The following SLC5A3 variants were observed in gnomAD, a reference collection of about 807,000 sequenced individuals.
SLC5A3 encodes solute carrier family 5 member 3, also known as sodium/myo-inositol cotransporter.
In SLC5A3, 10 loss-of-function variants were observed where a neutral mutation model predicts 43.2. The observed-to-expected ratio is 0.23, with a 90% CI of 0.14 to 0.39. The LOEUF is 0.39. Among genes scored for constraint, SLC5A3 ranks in the 10% least tolerant of loss-of-function variants. The pLI, the probability that SLC5A3 is intolerant of heterozygous loss-of-function variation, is 1.00. For missense variants in SLC5A3, 608 were observed against 893.4 expected (o/e 0.68, Z 4.07); for synonymous variants, 349 against 322.0 (o/e 1.08, Z -0.90).
chr21:34,086,747 A>T (rs1978406215), intron 1 of SLC5A3, among the ~76,000 whole-genome samples: 1 of 152,192 alleles, frequency 6.6e-6, no homozygotes, highest in Admixed American at 6.5e-5. Context: ...AGTGGTTGGC[A>T]CATGGTGTTT....
Position 34,099,285 on chromosome 21 carries a change from T to G in SLC5A3, c.*1930T>G. ...TTGTTTGGAAGTTGAGGCTGCGACA[T>G]GTCCAAGGTTATGAAGTCTCTTTTG... On this transcript the variant is annotated 3_prime_UTR_variant, in exon 2 of 2. Coordinates refer to ENST00000381151, the MANE Select transcript of SLC5A3 (RefSeq NM_006933.7). The G allele has an allele frequency of 1.0e-6, 1 of 1,000,256 alleles. No homozygotes were observed. Among genetic ancestry groups the G allele is most frequent in the Non-Finnish European group, 1.2e-6 (1 of 829,978 alleles). The allele number at this position is 1,000,256 out of a possible 1,614,324, so 62.0% of individuals were successfully genotyped here.
chr21:34,093,364 A>C (rs1978805078), intron 1 of SLC5A3, among the ~76,000 whole-genome samples: 1 of 152,096 alleles, frequency 6.6e-6, no homozygotes, highest in Non-Finnish European at 1.5e-5. Flanking sequence ...TTAAAAAGGC[A>C]CGCAGATGGG....
At position 34,087,407 on chromosome 21, in the gene SLC5A3, G is replaced by T. The variant is rs189936033; in HGVS notation, c.-336-7456G>T. 1.4e-4 allele frequency among the ~76,000 whole-genome samples: 21 copies of T among 152,318 alleles called. No homozygotes were observed. In the East Asian group the frequency reaches 3.3e-3, roughly 24 times the overall value. ...ATTTTTTTATTTAACAAACATTTGAGCACCTGTAATATGTAAGATGGTGTT... is the reference window on the plus strand; with the variant it reads ...ATTTTTTTATTTAACAAACATTTGATCACCTGTAATATGTAAGATGGTGTT... On this transcript the variant is annotated intron_variant, in intron 1 of 1. Transcript: ENST00000381151.
At position 34,099,756 on chromosome 21, in the gene SLC5A3, A is replaced by T. The variant is rs1168010614; in HGVS notation, c.*2401A>T. 3 of 959,526 alleles carry T rather than the reference A, an allele frequency of 3.1e-6. No individual in the cohort carries two copies. Among genetic ancestry groups the T allele is most frequent in the Admixed American group, 1.2e-4 (2 of 16,210 alleles). 59.4% of individuals were successfully genotyped at this position (959,526 alleles called of 1,614,324 possible). On this transcript the variant is annotated 3_prime_UTR_variant, in exon 2 of 2. Coordinates refer to ENST00000381151, the MANE Select transcript of SLC5A3 (RefSeq NM_006933.7). ...AGCAGTAGGTCAAGTTTAGAGTACT[A>T]AAGTCTGTAAATAAGGAATGACTAT... is the stretch of plus-strand genomic sequence containing the variant.
At chr21:34,074,146 G>A (rs868323004) in intron 1 of SLC5A3, among the ~76,000 whole-genome samples, 100 of 148,918 alleles carry the variant, frequency 6.7e-4, no homozygotes, top group Middle Eastern at 3.2e-3. Context: ...TCGTGAAGCT[G>A]CCTCGTCGCC....
intron 1 of SLC5A3, among the ~76,000 whole-genome samples, chr21:34,088,165 A>G (rs1041709525): frequency 6.6e-6 from 1 of 152,216 alleles, no homozygotes; most frequent in Non-Finnish European, 1.5e-5. Context: ...TTAATGTTTT[A>G]AAGTTGTGGG....
intron 1 of SLC5A3, among the ~76,000 whole-genome samples, chr21:34,082,847 T>C (rs1602908347): frequency 6.6e-6 from 1 of 152,342 alleles, no homozygotes; most frequent in South Asian, 2.1e-4. Context: ...AATTGACTTG[T>C]TTTGCTTCCC....
In SLC5A3 at chr21:34,105,658, AAATG is replaced by A; in HGVS notation, c.*8306_*8309del. 1.0e-6 allele frequency: 1 copy of A among 998,866 alleles called. No individual in the cohort carries two copies. The highest frequency in any genetic ancestry group is 1.2e-6 in the Non-Finnish European group (1 of 828,696). The allele number at this position is 998,866 out of a possible 1,614,324, so 61.9% of individuals were successfully genotyped here. ...GGCATTGTAGGCCAAATGTGATTAT[AAATG>A]AAGTTGATGAACATTAATTTTGTTA... is the stretch of plus-strand genomic sequence containing the variant. On this transcript the variant is annotated 3_prime_UTR_variant, in exon 2 of 2. Coordinates refer to ENST00000381151, the MANE Select transcript of SLC5A3 (RefSeq NM_006933.7).
intron 1 of SLC5A3, among the ~76,000 whole-genome samples, chr21:34,074,052 G>A (rs2148649354): frequency 6.9e-6 from 1 of 145,938 alleles, no homozygotes; most frequent in East Asian, 2.1e-4. Flanking sequence ...CCCCGATCCC[G>A]GCGCCGGCCC....
intron 1 of SLC5A3, among the ~76,000 whole-genome samples, chr21:34,080,616 C>T (rs1217585358): frequency 1.3e-5 from 2 of 152,160 alleles, no homozygotes; most frequent in African/African-American, 2.4e-5. Context: ...CTAATCTTTC[C>T]TTTGGTTGCA....
Position 34,098,377 on chromosome 21 carries a change from A to G in SLC5A3, c.*1022A>G, listed in dbSNP as rs960198037. 7 of 1,000,144 alleles carry G rather than the reference A, an allele frequency of 7.0e-6. No homozygotes were observed. Among genetic ancestry groups the G allele is most frequent in the Non-Finnish European group, 8.4e-6 (7 of 830,000 alleles). The allele number at this position is 1,000,144 out of a possible 1,614,324, so 62.0% of individuals were successfully genotyped here. ...TTTGTGTGCTGGATTGCTCTACTTG[A>G]TTAGATCATGATATATCAAGGTTGA... On this transcript the variant is annotated 3_prime_UTR_variant, in exon 2 of 2. Transcript: ENST00000381151.
chr21:34,095,239 C>T lies in SLC5A3; in HGVS notation c.41C>T (p.Ala14Val), dbSNP rs575528471. ...GACACAGCAGACATTGCCATAGTGG[C>T]CCTGTATTTTATCCTGGTCATGTGC... ...VLDTADIAIV[A>V]LYFILVMCIG... Residue 14 changes from alanine to valine, a missense_variant, in exon 2 of 2, where the codon GCC becomes GTC. Physicochemically the swap from Ala to Val is moderately conservative, Grantham distance 64 (BLOSUM62 0). Around this residue, in one of 2 missense-constraint regions of SLC5A3, gnomAD observed 398 missense variants for 668.6 expected, o/e 0.60. Coordinates refer to ENST00000381151, the MANE Select transcript of SLC5A3 (RefSeq NM_006933.7). 3.3e-5 allele frequency: 53 copies of T among 1,613,532 alleles called. 1 individual carries two copies. The South Asian group carries it at 5.4e-4, about 16-fold the overall frequency.
chr21:34,086,520 TG>T (rs869224261), intron 1 of SLC5A3, among the ~76,000 whole-genome samples: 3 of 7,550 alleles, frequency 4.0e-4, no homozygotes, highest in African/African-American at 5.0e-4. Flanking sequence ...TTTGTGTTTG[TG>T]TGTGTGTGTG....
Position 34,098,397 on chromosome 21 carries a change from G to A in SLC5A3, c.*1042G>A, listed in dbSNP as rs986331195. On this transcript the variant is annotated 3_prime_UTR_variant, in exon 2 of 2. Transcript: ENST00000381151. ...ACTTGATTAGATCATGATATATCAA[G>A]GTTGAATTTTTAGAGGGAAAATTTA... is the stretch of plus-strand genomic sequence containing the variant. 2.0e-6 allele frequency: 2 copies of A among 1,000,084 alleles called. No individual in the cohort carries two copies. Among genetic ancestry groups the A allele is most frequent in the African/African-American group, 3.5e-5 (2 of 57,204 alleles). The allele number at this position is 1,000,084 out of a possible 1,614,324, so 62.0% of individuals were successfully genotyped here.
chr21:34,093,720 C>G (rs950605597), intron 1 of SLC5A3, among the ~76,000 whole-genome samples: 3 of 152,174 alleles, frequency 2.0e-5, no homozygotes, highest in African/African-American at 2.4e-5. Context: ...GCTGCAATTA[C>G]AATTAACTGA....
At position 34,073,618 on chromosome 21, in the gene SLC5A3, G is replaced by T; in HGVS notation, c.-464G>T. On this transcript the variant is annotated 5_prime_UTR_variant, in exon 1 of 2. In the 5' UTR this introduces an upstream ATG that the reference lacks. Coordinates refer to ENST00000381151, the MANE Select transcript of SLC5A3 (RefSeq NM_006933.7). Reference sequence around the variant, plus strand: ...GAGCCGTCCGGCGCAGCAGTTTCTAGGTCCCCACTGTCCCCGCCGTCCCGC... The same window carrying T: ...GAGCCGTCCGGCGCAGCAGTTTCTATGTCCCCACTGTCCCCGCCGTCCCGC... 3.2e-6 allele frequency: 4 copies of T among 1,250,518 alleles called. No homozygotes were observed. In the South Asian group the frequency reaches 3.9e-5, roughly 12 times the overall value. The allele number at this position is 1,250,518 out of a possible 1,614,324, so 77.5% of individuals were successfully genotyped here.
In SLC5A3 at chr21:34,100,300, T is replaced by A. The variant is rs1041353868; in HGVS notation, c.*2945T>A. ...GGGCATATTACATTGGTATGCAGGATGATTATTGCATATTTTGTGGGACCT... is the reference window on the plus strand; with the variant it reads ...GGGCATATTACATTGGTATGCAGGAAGATTATTGCATATTTTGTGGGACCT... On this transcript the variant is annotated 3_prime_UTR_variant, in exon 2 of 2. Transcript: ENST00000381151. 1.0e-6 allele frequency: 1 copy of A among 1,000,078 alleles called. No individual in the cohort carries two copies. Among genetic ancestry groups the A allele is most frequent in the Non-Finnish European group, 1.2e-6 (1 of 829,910 alleles). 62.0% of individuals were successfully genotyped at this position (1,000,078 alleles called of 1,614,324 possible).
Position 34,105,040 on chromosome 21 carries a change from T to A in SLC5A3, c.*7685T>A. 1 of 1,000,072 alleles carries A rather than the reference T, an allele frequency of 1.0e-6. No individual in the cohort carries two copies. The highest frequency in any genetic ancestry group is 1.2e-6 in the Non-Finnish European group (1 of 829,840). 61.9% of individuals were successfully genotyped at this position (1,000,072 alleles called of 1,614,324 possible). A position where few individuals can be genotyped will look rare whatever the true frequency, so the allele number is the denominator to read the frequency against. On this transcript the variant is annotated 3_prime_UTR_variant, in exon 2 of 2. Transcript: ENST00000381151. ...ACTTTTGAGTGGCAAACAGATCAAG[T>A]CTTTTGCTCATAGACTTTTCTGTGG...
chr21:34,101,741 A>G lies in SLC5A3; in HGVS notation c.*4386A>G. On this transcript the variant is annotated 3_prime_UTR_variant, in exon 2 of 2. Transcript: ENST00000381151. The stretch of plus-strand genomic sequence containing the variant: ...TTAGATCCAAATAATGACTCATTAA[A>G]TATAATTATGTTTTAAGTATACTGA... The G allele has an allele frequency of 1.0e-6, 1 of 992,340 alleles. No individual in the cohort carries two copies. The highest frequency in any genetic ancestry group is 1.2e-6 in the Non-Finnish European group (1 of 822,946). 61.5% of individuals were successfully genotyped at this position (992,340 alleles called of 1,614,324 possible). A position where few individuals can be genotyped will look rare whatever the true frequency, so the allele number is the denominator to read the frequency against.
Sources: allele counts gnomAD v4.1 joint callset (sites outside exome capture counted in the v4.1 genomes callset), GRCh38; gene constraint gnomAD v4.1.1; regional missense constraint gnomAD v4.1.1; transcripts MANE v1.5; gene names NCBI Gene and HGNC (gene_info 2026-07-23, HGNC 2026-07-21).